NBAS: variants seen among roughly 807,000 people sequenced by gnomAD.
NBAS encodes NBAS subunit of NRZ tethering complex.
Under a neutral mutation model 302.5 loss-of-function variants are expected in NBAS, and 219 were observed. That is an observed-to-expected ratio of 0.72 (90% CI 0.65 to 0.81). NBAS has a LOEUF of 0.81. Among genes scored for constraint, NBAS ranks in the 30% least tolerant of loss-of-function variants. The pLI, the probability that NBAS is intolerant of heterozygous loss-of-function variation, is 0.00. For synonymous variants in NBAS, 1,118 were observed against 1,021.6 expected (o/e 1.09, Z -1.80); for missense variants, 2,932 against 2,841.6 (o/e 1.03, Z -0.72).
intron 21 of NBAS, among the ~76,000 whole-genome samples, chr2:15,440,189 C>T (rs1031119970): frequency 2.0e-5 from 3 of 152,202 alleles, no homozygotes; most frequent in South Asian, 2.1e-4. Context: ...GATCTGAGAA[C>T]GGGCAGACTG....
chr2:15,184,314 T>C (rs946129635), intron 50 of NBAS, among the ~76,000 whole-genome samples: 5 of 152,112 alleles, frequency 3.3e-5, no homozygotes, highest in Admixed American at 6.5e-5. Flanking sequence ...AGTTTTGGGA[T>C]GATTCAAGCA....
chr2:14,873,687 CAAA>C, the NBAS span, among the ~76,000 whole-genome samples: 1 of 114,852 alleles, frequency 8.7e-6, no homozygotes, highest in African/African-American at 2.8e-5. Flanking sequence ...TGATGTTTTC[CAAA>C]AAAAAAAAAA....
At chr2:14,926,045 C>T in the NBAS span, among the ~76,000 whole-genome samples, 3 of 152,198 alleles carry the variant, frequency 2.0e-5, no homozygotes, top group African/African-American at 7.2e-5. Flanking sequence ...AAAGGATACG[C>T]TGCCTTCCTT....
intron 40 of NBAS, among the ~76,000 whole-genome samples, chr2:15,300,071 A>T (rs902595345): frequency 6.6e-6 from 1 of 152,176 alleles, no homozygotes; most frequent in Non-Finnish European, 1.5e-5. Context: ...CATCTGAGAG[A>T]GCTGCTGGGC....
At chr2:15,181,597 C>T (rs1352069110) in intron 50 of NBAS, among the ~76,000 whole-genome samples, 1 of 152,192 alleles carries the variant, frequency 6.6e-6, no homozygotes, top group Non-Finnish European at 1.5e-5. Context: ...GCAGTTCAAA[C>T]CTGTCAGACC....
chr2:15,391,339 T>C (rs961516397), intron 28 of NBAS, among the ~76,000 whole-genome samples: 14 of 150,462 alleles, frequency 9.3e-5, no homozygotes, highest in African/African-American at 3.4e-4. Flanking sequence ...TAATGAGGCA[T>C]GAAAGTTTAA....
At chr2:15,235,883 G>C (rs1331995630) in intron 45 of NBAS, among the ~76,000 whole-genome samples, 1 of 152,284 alleles carries the variant, frequency 6.6e-6, no homozygotes, top group East Asian at 1.9e-4. Context: ...GCAATTTCTA[G>C]TATCCTCACC....
the NBAS span, among the ~76,000 whole-genome samples, chr2:15,130,749 A>T: frequency 1.3e-5 from 2 of 152,184 alleles, no homozygotes; most frequent in African/African-American, 4.8e-5. Context: ...CTCTTCTCGA[A>T]GTCTCCGCTA....
the NBAS span, among the ~76,000 whole-genome samples, chr2:15,107,103 T>C: frequency 6.6e-6 from 1 of 152,130 alleles, no homozygotes; most frequent in South Asian, 2.1e-4. Context: ...GACTGAATTA[T>C]ATACCCCAGT....
chr2:14,821,958 G>A, the NBAS span, among the ~76,000 whole-genome samples: 5 of 152,012 alleles, frequency 3.3e-5, no homozygotes, highest in Admixed American at 6.5e-5. Context: ...GCTTGAACTC[G>A]GGGGAAGGAG....
At chr2:15,103,771 C>T in the NBAS span, among the ~76,000 whole-genome samples, 4 of 152,146 alleles carry the variant, frequency 2.6e-5, no homozygotes, top group African/African-American at 9.7e-5. Context: ...GGCCCAGGAG[C>T]AGATAAGGTC....
the NBAS span, among the ~76,000 whole-genome samples, chr2:15,132,876 C>A: frequency 3.7e-5 from 5 of 136,436 alleles, no homozygotes; most frequent in Admixed American, 7.2e-5. Context: ...AAAAAAAAAA[C>A]ACTAGGAGAA....
At chr2:15,014,219 C>G in the NBAS span, among the ~76,000 whole-genome samples, 1 of 152,070 alleles carries the variant, frequency 6.6e-6, no homozygotes, top group East Asian at 1.9e-4. Flanking sequence ...TTCTCATTCT[C>G]AGGATTGAAC....
intron 12 of NBAS, among the ~76,000 whole-genome samples, chr2:15,482,105 C>A (rs1184511704): frequency 6.6e-6 from 1 of 152,186 alleles, no homozygotes; most frequent in Middle Eastern, 3.4e-3. Context: ...CAAAACTAAG[C>A]ATAAAAACAG....
At chr2:15,347,615 G>A (rs983853052) in intron 35 of NBAS, among the ~76,000 whole-genome samples, 1 of 152,266 alleles carries the variant, frequency 6.6e-6, no homozygotes, top group South Asian at 2.1e-4. Context: ...TTCCCACAGT[G>A]CAAATGATTT....
the NBAS span, among the ~76,000 whole-genome samples, chr2:15,085,910 C>A: frequency 0.064 from 9,795 of 152,124 alleles, 750 homozygotes; most frequent in African/African-American, 0.17. Context: ...GGAGGTGCTT[C>A]GGGCAGGTCA....
Position 15,551,662 on chromosome 2 carries a change from GT to G in NBAS, c.336-127del, listed in dbSNP as rs974691424. 87 of 652,254 alleles carry G rather than the reference GT, an allele frequency of 1.3e-4. No individual in the cohort carries two copies. The African/African-American group carries it at 1.4e-3, about 11-fold the overall frequency. 40.4% of individuals were successfully genotyped at this position (652,254 alleles called of 1,614,324 possible). On this transcript the variant is annotated intron_variant, in intron 5 of 51. Coordinates refer to ENST00000281513, the MANE Select transcript of NBAS (RefSeq NM_015909.4). ...TCAATCATATCTCCTCTCAGACATGGTTTTGTGGCTCAATTATGACCCTTTT... is the reference window on the plus strand; with the variant it reads ...TCAATCATATCTCCTCTCAGACATGGTTTGTGGCTCAATTATGACCCTTTT...
At chr2:15,557,347 A>G (rs950806962) in intron 2 of NBAS, among the ~76,000 whole-genome samples, 2 of 152,184 alleles carry the variant, frequency 1.3e-5, no homozygotes, top group Non-Finnish European at 2.9e-5. Context: ...TTAGGTATAT[A>G]TCAATGGAAA....
At chr2:15,380,415 C>T (rs12995845) in intron 29 of NBAS, among the ~76,000 whole-genome samples, 93,716 of 150,718 alleles carry the variant, frequency 0.62, 29,713 homozygotes, top group Middle Eastern at 0.68. Context: ...TCTTTGAATA[C>T]AATACATATA....
Sources: allele counts gnomAD v4.1 joint callset (sites outside exome capture counted in the v4.1 genomes callset), GRCh38; gene constraint gnomAD v4.1.1; transcripts MANE v1.5; gene names NCBI Gene and HGNC (gene_info 2026-07-23, HGNC 2026-07-21).